TENM3: variants seen among roughly 807,000 people sequenced by gnomAD.
TENM3 encodes the protein teneurin-3.
In TENM3, 63 loss-of-function variants were observed where a neutral mutation model predicts 255.1. The ratio of observed to expected loss-of-function variants is 0.25; its 90% CI spans 0.20 to 0.30. The LOEUF (loss-of-function observed/expected upper bound fraction) is 0.30. Among genes scored for constraint, TENM3 ranks in the 10% least tolerant of loss-of-function variants. The pLI is 1.00. For missense variants in TENM3, 2,929 were observed against 3,461.1 expected, an observed-to-expected ratio of 0.85 and a Z score of 3.86; for synonymous variants, 1,306 against 1,322.3, an observed-to-expected ratio of 0.99 and a Z score of 0.27.
At chr4:181,836,748 T>G in the TENM3 span, among the ~76,000 whole-genome samples, 12 of 152,210 alleles carry the variant, frequency 7.9e-5, no homozygotes, top group African/African-American at 2.9e-4. Flanking sequence ...CCTGGGATTT[T>G]GCACTTCCGT....
the TENM3 span, among the ~76,000 whole-genome samples, chr4:181,882,148 G>C: frequency 6.6e-6 from 1 of 152,286 alleles, no homozygotes; most frequent in South Asian, 2.1e-4. Flanking sequence ...TCGGCTGCAA[G>C]ACCCTGACTC....
At chr4:182,670,915 A>G (rs1170810006) in intron 6 of TENM3, among the ~76,000 whole-genome samples, 1 of 152,200 alleles carries the variant, frequency 6.6e-6, no homozygotes, top group East Asian at 1.9e-4. Flanking sequence ...CATACCATAA[A>G]TGACATGCAC....
the TENM3 span, among the ~76,000 whole-genome samples, chr4:181,543,915 A>G: frequency 2.5e-4 from 38 of 152,312 alleles, no homozygotes; most frequent in African/African-American, 8.7e-4. Flanking sequence ...AATAAAGAAA[A>G]AAATATAATT....
the TENM3 span, among the ~76,000 whole-genome samples, chr4:181,702,583 T>C: frequency 6.6e-6 from 1 of 152,220 alleles, no homozygotes; most frequent in East Asian, 1.9e-4. Flanking sequence ...GATTTTCTTA[T>C]GTAAAATATA....
the TENM3 span, among the ~76,000 whole-genome samples, chr4:181,923,991 C>A: frequency 6.6e-6 from 1 of 152,176 alleles, no homozygotes; most frequent in Non-Finnish European, 1.5e-5. Flanking sequence ...GACAGTCCCC[C>A]CTCAGTCTCT....
At chr4:182,628,593 CTT>C in intron 4 of TENM3, 56 bp from the exon 5 acceptor site, 1 of 1,172,962 alleles carries the variant, frequency 8.5e-7, no homozygotes, top group Non-Finnish European at 1.2e-6. Context: ...ATCGCTGTCT[CTT>C]GTCTCTTGTA....
the TENM3 span, among the ~76,000 whole-genome samples, chr4:182,120,406 T>A: frequency 1.3e-5 from 2 of 152,196 alleles, no homozygotes; most frequent in East Asian, 3.9e-4. Flanking sequence ...TCAGAATGTA[T>A]CTCTGCCAAG....
upstream of TENM3, among the ~76,000 whole-genome samples, chr4:182,239,594 T>C (rs985085961): frequency 6.6e-6 from 1 of 152,220 alleles, no homozygotes; most frequent in Non-Finnish European, 1.5e-5. Context: ...GTTCAGGTTA[T>C]CTTGCAGGAA....
chr4:182,751,713 C>T (rs548001466), intron 19 of TENM3, 87 bp from the exon 20 acceptor site: 6 of 900,596 alleles, frequency 6.7e-6, no homozygotes, highest in South Asian at 5.6e-5. Flanking sequence ...TAATCAGTTT[C>T]TCATGATCTG....
intron 5 of TENM3, among the ~76,000 whole-genome samples, chr4:182,633,330 T>A (rs897760200): frequency 1.3e-5 from 2 of 152,222 alleles, no homozygotes; most frequent in Non-Finnish European, 2.9e-5. Flanking sequence ...CTCTGATAGA[T>A]GTCAGAGGTC....
At chr4:181,541,925 A>G in the TENM3 span, among the ~76,000 whole-genome samples, 10 of 152,322 alleles carry the variant, frequency 6.6e-5, no homozygotes, top group Admixed American at 2.0e-4. Flanking sequence ...GCCTGCATAC[A>G]GAAATTGGAA....
the TENM3 span, among the ~76,000 whole-genome samples, chr4:181,572,567 G>T: frequency 2.0e-5 from 3 of 151,880 alleles, no homozygotes; most frequent in Admixed American, 6.6e-5. Flanking sequence ...TTTTGTCAAT[G>T]AGTACATTCC....
chr4:182,288,176 T>G (rs1432312621), intron 1 of TENM3, among the ~76,000 whole-genome samples: 1 of 152,130 alleles, frequency 6.6e-6, no homozygotes, highest in Non-Finnish European at 1.5e-5. Context: ...CCTCAGGTGA[T>G]CCACCCTCCT....
Position 182,229,964 on chromosome 4 carries a change from T to C in TENM3, c.-76+85210T>C, listed in dbSNP as rs532185010. 5.3e-5 allele frequency among the ~76,000 whole-genome samples: 8 copies of C among 152,200 alleles called. No homozygotes were observed. In the South Asian group the frequency reaches 1.5e-3, roughly 28 times the overall value. On this transcript the variant is annotated intron_variant, in intron 1 of 2. Transcript: ENST00000512480. ...ATAATTATATTTAAAGTATGTGTATTCATTGTGGTTGGTAGTAATACAGCA... is the reference window on the plus strand; with the variant it reads ...ATAATTATATTTAAAGTATGTGTATCCATTGTGGTTGGTAGTAATACAGCA...
At chr4:182,479,415 A>G (rs1284539014) in intron 3 of TENM3, among the ~76,000 whole-genome samples, 2 of 152,010 alleles carry the variant, frequency 1.3e-5, no homozygotes, top group East Asian at 3.9e-4. Flanking sequence ...TATATTTATT[A>G]TAGTCAGCCC....
the TENM3 span, among the ~76,000 whole-genome samples, chr4:181,598,709 T>TA: frequency 6.6e-6 from 1 of 151,248 alleles, no homozygotes; most frequent in Non-Finnish European, 1.5e-5. Flanking sequence ...AAGAAAACCA[T>TA]AAAAGTGAAA....
chr4:182,072,340 A>T, the TENM3 span, among the ~76,000 whole-genome samples: 8 of 152,176 alleles, frequency 5.3e-5, no homozygotes, highest in Admixed American at 3.3e-4. Flanking sequence ...TAGGGTGGAC[A>T]CCGGCAGTCA....
At chr4:182,059,551 A>AT in the TENM3 span, among the ~76,000 whole-genome samples, 1 of 151,650 alleles carries the variant, frequency 6.6e-6, no homozygotes, top group Admixed American at 6.6e-5. Context: ...GATACTGCAT[A>AT]CAAATGCACC....
At chr4:182,066,605 T>A in the TENM3 span, among the ~76,000 whole-genome samples, 8,909 of 140,572 alleles carry the variant, frequency 0.063, 463 homozygotes, top group African/African-American at 0.14. Flanking sequence ...AAAAAATATA[T>A]ATATATATAT....
Sources: allele counts gnomAD v4.1 joint callset (sites outside exome capture counted in the v4.1 genomes callset), GRCh38; gene constraint gnomAD v4.1.1; transcripts MANE v1.5; gene names NCBI Gene and HGNC (gene_info 2026-07-23, HGNC 2026-07-21).